NEMP2: variants seen among roughly 807,000 people sequenced by gnomAD.
The protein encoded by NEMP2 is nuclear envelope integral membrane protein 2, also known as UPF0571 transmembrane protein.
In NEMP2, 53 loss-of-function variants were observed where a neutral mutation model predicts 54.2. That is an observed-to-expected ratio of 0.98 (90% CI 0.78 to 1.23). The LOEUF (loss-of-function observed/expected upper bound fraction) is 1.23, where lower values mean the gene tolerates loss of function less well. Ranked by LOEUF, NEMP2 falls within the 50% of genes most tolerant of loss-of-function variation. The pLI is 0.00. For synonymous variants in NEMP2, 197 were observed against 190.3 expected (o/e 1.04, Z -0.29); for missense variants, 455 against 511.3 (o/e 0.89, Z 1.06).
At chr2:190,433,470 A>C in the NEMP2 span, 1 of 152,312 alleles carries the variant, frequency 6.6e-6, no homozygotes, top group Non-Finnish European at 1.5e-5. This position sits in a 1 kb window ranked among gnomAD's most constrained non-coding sequence, Gnocchi z 4.5. Flanking sequence ...ATTTTCTAGG[A>C]GGAAAAAAAT....
chr2:190,642,479 G>GT, the NEMP2 span, among the ~76,000 whole-genome samples: 7 of 151,992 alleles, frequency 4.6e-5, no homozygotes, highest in Admixed American at 4.6e-4. This position sits in a 1 kb window ranked among gnomAD's most constrained non-coding sequence, Gnocchi z 4.1. Context: ...TTTTAAAGTC[G>GT]TGGCTCTTGA....
rs1690174943 is a variant in NEMP2 at position 190,505,853 on chromosome 2, A to T, written c.*3336T>A. 6.6e-6 allele frequency: 1 copy of T among 152,150 alleles called. No homozygotes were observed. The highest frequency in any genetic ancestry group is 1.5e-5 in the Non-Finnish European group (1 of 68,020). 9.4% of individuals were successfully genotyped at this position (152,150 alleles called of 1,614,324 possible). A position where few individuals can be genotyped will look rare whatever the true frequency, so the allele number is the denominator to read the frequency against. On this transcript the variant is annotated 3_prime_UTR_variant, in exon 9 of 9. Transcript: ENST00000409150. This position sits in a 1 kb window ranked among gnomAD's most constrained non-coding sequence, Gnocchi z 5.8. ...TCTTTGTCAACAGACCTGGTATCTC[A>T]TCCCATTAACAAGGCTAGCCCCACT...
At chr2:190,573,347 T>A in the NEMP2 span, among the ~76,000 whole-genome samples, 2 of 152,214 alleles carry the variant, frequency 1.3e-5, no homozygotes, top group Non-Finnish European at 2.9e-5. Context: ...CTCCTATCTC[T>A]TTGAAGACAG....
At position 190,523,489 on chromosome 2, in the gene NEMP2, C is replaced by T. The variant is rs1306711776; in HGVS notation, c.213+1774G>A. Reference sequence around the variant, plus strand: ...CCCTGTGGTATTGGAGATCTCAGAACTCACGGTTTCTAATAGGTAGATATA... The same window carrying T: ...CCCTGTGGTATTGGAGATCTCAGAATTCACGGTTTCTAATAGGTAGATATA... On this transcript the variant is annotated intron_variant, in intron 2 of 8. Transcript: ENST00000409150. This position sits in a 1 kb window ranked among gnomAD's most constrained non-coding sequence, Gnocchi z 5.3. 1.3e-5 allele frequency among the ~76,000 whole-genome samples: 2 copies of T among 152,128 alleles called. No individual in the cohort carries two copies. The highest frequency in any genetic ancestry group is 2.9e-5 in the Non-Finnish European group (2 of 68,026).
At chr2:190,606,182 C>G in the NEMP2 span, among the ~76,000 whole-genome samples, 1 of 152,036 alleles carries the variant, frequency 6.6e-6, no homozygotes, top group African/African-American at 2.4e-5. Context: ...TTTTTTCTAA[C>G]TTCCTTTTTC....
At chr2:190,535,964 A>G (rs1024748014), upstream of NEMP2, 1 of 152,224 alleles carries the variant, frequency 6.6e-6, no homozygotes, top group East Asian at 1.9e-4. Flanking sequence ...GGATGGCACT[A>G]TGGAAAGTAG....
At chr2:190,624,707 A>T in the NEMP2 span, 1 of 152,344 alleles carries the variant, frequency 6.6e-6, no homozygotes, top group East Asian at 1.9e-4. Context: ...AGCTGAGCAC[A>T]GAAAGACAAA....
At chr2:190,436,358 G>A in the NEMP2 span, 3 of 1,614,174 alleles carry the variant, frequency 1.9e-6, no homozygotes, top group South Asian at 1.1e-5. This position sits in a 1 kb window ranked among gnomAD's most constrained non-coding sequence, Gnocchi z 5.3. Context: ...GTAGGTATTC[G>A]TTACTTCATT....
chr2:190,546,271 T>A, the NEMP2 span, among the ~76,000 whole-genome samples: 1 of 152,186 alleles, frequency 6.6e-6, no homozygotes, highest in Non-Finnish European at 1.5e-5. The surrounding 1 kb of genome is among the most constrained non-coding windows in gnomAD (Gnocchi z 5.1). Flanking sequence ...ACATACAGAC[T>A]GTTTTCCCTT....
the NEMP2 span, among the ~76,000 whole-genome samples, chr2:190,473,125 C>G: frequency 6.6e-6 from 1 of 152,168 alleles, no homozygotes; most frequent in African/African-American, 2.4e-5. Context: ...CCAGCTACTG[C>G]AAAAACATGC....
the NEMP2 span, among the ~76,000 whole-genome samples, chr2:190,644,596 G>A: frequency 2.0e-5 from 3 of 152,218 alleles, no homozygotes; most frequent in Non-Finnish European, 4.4e-5. This position sits in a 1 kb window ranked among gnomAD's most constrained non-coding sequence, Gnocchi z 4.4. Flanking sequence ...TCGTGGGAAC[G>A]TGGATGGAGC....
chr2:190,505,229 T>C lies in NEMP2; in HGVS notation c.*3960A>G, dbSNP rs1375068451. 1 of 152,218 alleles carries C rather than the reference T, an allele frequency of 6.6e-6. No homozygotes were observed. Among genetic ancestry groups the C allele is most frequent in the African/African-American group, 2.4e-5 (1 of 41,458 alleles). The allele number at this position is 152,218 out of a possible 1,614,324, so 9.4% of individuals were successfully genotyped here. Reference sequence around the variant, plus strand: ...GGTAATAAATAAAGGAAGTAGAATATGAGCCCTGGAAGCAGACATATGGGG... The same window carrying C: ...GGTAATAAATAAAGGAAGTAGAATACGAGCCCTGGAAGCAGACATATGGGG... On this transcript the variant is annotated 3_prime_UTR_variant, in exon 9 of 9. Coordinates refer to ENST00000409150, the MANE Select transcript of NEMP2 (RefSeq NM_001142645.2). This position sits in a 1 kb window ranked among gnomAD's most constrained non-coding sequence, Gnocchi z 5.8.
chr2:190,452,196 A>G, the NEMP2 span, among the ~76,000 whole-genome samples: 2 of 152,142 alleles, frequency 1.3e-5, no homozygotes, highest in African/African-American at 2.4e-5. Context: ...TGGACGTTGC[A>G]GTGAGCCGAG....
the NEMP2 span, chr2:190,488,670 G>A: frequency 4.5e-6 from 7 of 1,553,280 alleles, no homozygotes; most frequent in African/African-American, 4.2e-5. The surrounding 1 kb of genome is among the most constrained non-coding windows in gnomAD (Gnocchi z 6.4). Context: ...TGACACACGC[G>A]GCCATCTGGG....
chr2:190,457,569 T>C, the NEMP2 span, among the ~76,000 whole-genome samples: 2 of 152,216 alleles, frequency 1.3e-5, no homozygotes, highest in African/African-American at 2.4e-5. The surrounding 1 kb of genome is among the most constrained non-coding windows in gnomAD (Gnocchi z 5.1). Context: ...TTGAAGCCAA[T>C]TGACCTGAAT....
At position 190,516,306 on chromosome 2, in the gene NEMP2, T is replaced by A; in HGVS notation, c.691A>T (p.Lys231Ter). 1 of 1,551,408 alleles carries A rather than the reference T, an allele frequency of 6.4e-7. No homozygotes were observed. The highest frequency in any genetic ancestry group is 8.7e-7 in the Non-Finnish European group (1 of 1,146,858). Residue 231 changes from lysine to a stop codon, truncating the protein, a stop_gained, in exon 6 of 9, where the codon AAG becomes TAG. Coordinates refer to ENST00000409150, the MANE Select transcript of NEMP2 (RefSeq NM_001142645.2). LOFTEE classifies it high-confidence loss of function. The part of the protein sequence containing the change: ...YIVCQLMEDL[K>*]WLWYENRIYV... ...ATCCTGTTTTCATACCACAGCCACT[T>A]CAGATCTTCCATCAACTGGCATACA...
the NEMP2 span, chr2:190,464,908 T>C: frequency 1.7e-5 from 10 of 597,422 alleles, no homozygotes; most frequent in Non-Finnish European, 1.9e-5. Flanking sequence ...TGGCTTTTGG[T>C]GGGGGTGGGG....
At chr2:190,454,932 GTATGTATATGTA>G in the NEMP2 span, among the ~76,000 whole-genome samples, 18,655 of 132,760 alleles carry the variant, frequency 0.14, 1,447 homozygotes, top group Non-Finnish European at 0.16. This position sits in a 1 kb window ranked among gnomAD's most constrained non-coding sequence, Gnocchi z 4.6. Flanking sequence ...CCTGGTTTCT[GTATGTATATGTA>G]TATGTATATG....
rs1019227798 is a variant in NEMP2 at position 190,534,705 on chromosome 2, G to C, written c.-50C>G. ...ACCCGAGCCCTAGGGGACCGGCTCC[G>C]CTGCGAGGAGCGGAAGTGGCGCGGG... On this transcript the variant is annotated 5_prime_UTR_variant, in exon 1 of 9. Transcript: ENST00000409150. 1 of 1,217,046 alleles carries C rather than the reference G, an allele frequency of 8.2e-7. No homozygotes were observed. Among genetic ancestry groups the C allele is most frequent in the African/African-American group, 1.6e-5 (1 of 63,830 alleles). 75.4% of individuals were successfully genotyped at this position (1,217,046 alleles called of 1,614,324 possible). A position where few individuals can be genotyped will look rare whatever the true frequency, so the allele number is the denominator to read the frequency against.
Sources: allele counts gnomAD v4.1 joint callset (sites outside exome capture counted in the v4.1 genomes callset), GRCh38; gene constraint gnomAD v4.1.1; non-coding constraint Gnocchi (gnomAD v3.1); transcripts MANE v1.5; gene names NCBI Gene and HGNC (gene_info 2026-07-23, HGNC 2026-07-21).